FANCI: variants seen among roughly 807,000 people sequenced by gnomAD.
The protein encoded by FANCI is FA complementation group I.
Under a neutral mutation model 176.1 loss-of-function variants are expected in FANCI, and 156 were observed. The observed-to-expected ratio is 0.89, with a 90% CI of 0.78 to 1.01. FANCI has a LOEUF of 1.01. Among genes scored for constraint, FANCI ranks in the 50% least tolerant of loss-of-function variants. The pLI is 0.00. For missense variants in FANCI, 1,678 were observed against 1,534.1 expected, an observed-to-expected ratio of 1.09 and a Z score of -1.57; for synonymous variants, 613 against 541.7, an observed-to-expected ratio of 1.13 and a Z score of -1.83.
rs2052047402 is a variant in FANCI at position 89,247,622 on chromosome 15, C to G, written c.-19-7C>G. On this transcript the variant is annotated splice_region_variant and splice_polypyrimidine_tract_variant and intron_variant, in intron 1 of 37. Transcript: ENST00000310775. ...CTTCACCCACCTCTGACGTTTTTCC[C>G]TTGTAGTTCTGTGATATGAGCAACA... 3 of 1,601,948 alleles carry G rather than the reference C, an allele frequency of 1.9e-6. No individual in the cohort carries two copies. The highest frequency in any genetic ancestry group is 2.6e-6 in the Non-Finnish European group (3 of 1,169,104).
chr15:89,311,063 C>T (rs1338999057), intron 34 of FANCI, among the ~76,000 whole-genome samples: 1 of 151,876 alleles, frequency 6.6e-6, no homozygotes. Context: ...CGAAACTAGC[C>T]CGGCCAACAT....
At chr15:89,283,532 A>G (rs1244816450) in intron 17 of FANCI, among the ~76,000 whole-genome samples, 2 of 152,172 alleles carry the variant, frequency 1.3e-5, no homozygotes, top group African/African-American at 4.8e-5. Context: ...GCTAGTCCAC[A>G]TTGTGTTGTG....
intron 2 of FANCI, among the ~76,000 whole-genome samples, chr15:89,257,680 T>C (rs993776366): frequency 1.3e-5 from 2 of 152,152 alleles, no homozygotes; most frequent in African/African-American, 2.4e-5. Context: ...AATTTCCAAA[T>C]AAGGTCACAT....
chr15:89,299,541 A>T (rs1415965798), intron 24 of FANCI, among the ~76,000 whole-genome samples: 2 of 152,238 alleles, frequency 1.3e-5, no homozygotes, highest in Non-Finnish European at 2.9e-5. Flanking sequence ...TTTTTGTATG[A>T]TGTTTCGTAG....
intron 32 of FANCI, among the ~76,000 whole-genome samples, chr15:89,307,087 G>A (rs1050429702): frequency 2.0e-5 from 3 of 152,184 alleles, no homozygotes; most frequent in Non-Finnish European, 4.4e-5. Flanking sequence ...GGACCACCCC[G>A]CATCACAGCA....
At chr15:89,254,020 T>TG (rs1474850035) in intron 2 of FANCI, among the ~76,000 whole-genome samples, 1 of 152,074 alleles carries the variant, frequency 6.6e-6, no homozygotes, top group African/African-American at 2.4e-5. Flanking sequence ...TGTATAAACA[T>TG]GCATACATTT....
At position 89,274,177 on chromosome 15, in the gene FANCI, C is replaced by G; in HGVS notation, c.985C>G (p.Leu329Val). The part of the protein sequence containing the change: ...IQRFQDQVLD[L>V]LKTSVVKSFK... ...ATTAACTATACTCAAGGTGCTTGATCTTTTAAAGACTTCGGTTGTAAAGAG... is the reference window on the plus strand; with the variant it reads ...ATTAACTATACTCAAGGTGCTTGATGTTTTAAAGACTTCGGTTGTAAAGAG... The change falls in exon 12 of 38, where the codon CTT becomes GTT. Residue 329 changes from leucine (L) to valine (V), a missense_variant. Coordinates refer to ENST00000310775, the MANE Select transcript of FANCI (RefSeq NM_001113378.2). 6.4e-7 allele frequency: 1 copy of G among 1,566,910 alleles called. No homozygotes were observed.
chr15:89,306,130 G>C lies in FANCI; in HGVS notation c.3473G>C (p.Cys1158Ser). 1 of 1,614,176 alleles carries C rather than the reference G, an allele frequency of 6.2e-7. No homozygotes were observed. The highest frequency in any genetic ancestry group is 8.5e-7 in the Non-Finnish European group (1 of 1,180,036). Reference protein sequence around the residue: ...LVQTALPSGSCVDTLLKDLCK... With the variant: ...LVQTALPSGSSVDTLLKDLCK... Reference sequence around the variant, plus strand: ...CAGACAGCTCTGCCATCAGGCAGCTGTGTGGACACCTTGTTAAAGGACTTG... The same window carrying C: ...CAGACAGCTCTGCCATCAGGCAGCTCTGTGGACACCTTGTTAAAGGACTTG... The change falls in exon 32 of 38, where the codon TGT (cysteine) becomes TCT (serine). Residue 1158 changes from cysteine (C) to serine (S), a missense_variant. Coordinates refer to ENST00000310775, the MANE Select transcript of FANCI (RefSeq NM_001113378.2).
In FANCI at chr15:89,305,623, G is replaced by A. The variant is rs142532356; in HGVS notation, c.3274G>A (p.Ala1092Thr). Residue 1092 changes from alanine (A) to threonine (T), a missense_variant, in exon 31 of 38, where the codon GCC becomes ACC. By Grantham distance (58) the Ala-to-Thr change is moderately conservative (BLOSUM62 0). Coordinates refer to ENST00000310775, the MANE Select transcript of FANCI (RefSeq NM_001113378.2). Reference protein sequence around the residue: ...PTVCLLVLSQAEKVLEEVDWL... With the variant: ...PTVCLLVLSQTEKVLEEVDWL... ...CTTTCAGTTACTTGTTCTGAGTCAG[G>A]CCGAGAAGGTTCTAGAAGAAGTGGA... 6.2e-7 allele frequency: 1 copy of A among 1,614,146 alleles called. No individual in the cohort carries two copies. Among genetic ancestry groups the A allele is most frequent in the Non-Finnish European group, 8.5e-7 (1 of 1,180,026 alleles).
chr15:89,253,131 G>A (rs572072536), intron 2 of FANCI, among the ~76,000 whole-genome samples: 1 of 152,178 alleles, frequency 6.6e-6, no homozygotes, highest in Admixed American at 6.5e-5. Flanking sequence ...AATAGAATAG[G>A]TAATGCATAA....
chr15:89,278,180 ATAAAG>A (rs2053478265), intron 13 of FANCI, among the ~76,000 whole-genome samples: 1 of 152,244 alleles, frequency 6.6e-6, no homozygotes, highest in Non-Finnish European at 1.5e-5. Context: ...AGTCTGTACC[ATAAAG>A]TAATCAAGTT....
At chr15:89,266,571 C>G (rs893019064) in intron 9 of FANCI, among the ~76,000 whole-genome samples, 28 of 151,958 alleles carry the variant, frequency 1.8e-4, no homozygotes, top group African/African-American at 6.3e-4. Context: ...TCAAGTGATC[C>G]GCCTACCTTG....
Position 89,305,667 on chromosome 15 carries a change from T to G in FANCI, c.3318T>G (p.Leu1106=), listed in dbSNP as rs1198598949. 1.2e-6 allele frequency: 2 copies of G among 1,614,202 alleles called. No individual in the cohort carries two copies. The highest frequency in any genetic ancestry group is 1.7e-6 in the Non-Finnish European group (2 of 1,180,034). ...LEEVDWLITK[L]KGQVSQETLS... The stretch of plus-strand genomic sequence containing the variant: ...AAGTGGACTGGCTAATCACCAAGCT[T>G]AAGGGACAAGTGAGCCAAGAAACCT... Residue 1106 remains leucine (L), a synonymous_variant, in exon 31 of 38, where the codon CTT becomes CTG. Transcript: ENST00000310775.
At chr15:89,267,410 T>C (rs2053015085) in intron 9 of FANCI, among the ~76,000 whole-genome samples, 1 of 149,318 alleles carries the variant, frequency 6.7e-6, no homozygotes. Context: ...AAGAAAGAAG[T>C]AGTTAATTGT....
At chr15:89,289,285 C>T (rs1009797528) in intron 18 of FANCI, among the ~76,000 whole-genome samples, 1 of 151,918 alleles carries the variant, frequency 6.6e-6, no homozygotes, top group Non-Finnish European at 1.5e-5. Flanking sequence ...GTTCCTTTCC[C>T]CTTTCCCCTT....
intron 13 of FANCI, 83 bp downstream of exon 13, chr15:89,276,974 G>T (rs1194546481): frequency 1.4e-6 from 2 of 1,439,116 alleles, no homozygotes; most frequent in Non-Finnish European, 2.0e-6. Context: ...GAGTTTGGTG[G>T]ACAAGGAAAT....
intron 12 of FANCI, 31 bp downstream of exon 12, chr15:89,274,335 TA>T (rs1467751665): frequency 6.2e-7 from 1 of 1,611,418 alleles, no homozygotes; most frequent in African/African-American, 1.3e-5. Context: ...TCAAAAGGTT[TA>T]TAAGGTGTTT....
At chr15:89,302,229 G>A (rs923486053) in intron 27 of FANCI, among the ~76,000 whole-genome samples, 1 of 152,120 alleles carries the variant, frequency 6.6e-6, no homozygotes, top group African/African-American at 2.4e-5. Flanking sequence ...GAGTATGAAG[G>A]CGTTTGGGCA....
At chr15:89,310,057 C>T (rs2054894499) in intron 34 of FANCI, among the ~76,000 whole-genome samples, 1 of 152,162 alleles carries the variant, frequency 6.6e-6, no homozygotes, top group Admixed American at 6.5e-5. Context: ...AAAGGTTAAT[C>T]AGAATGCCCA....
Sources: allele counts gnomAD v4.1 joint callset (sites outside exome capture counted in the v4.1 genomes callset), GRCh38; gene constraint gnomAD v4.1.1; transcripts MANE v1.5; gene names NCBI Gene and HGNC (gene_info 2026-07-23, HGNC 2026-07-21).